The following TACC2 variants were observed in gnomAD, a reference collection of about 807,000 sequenced individuals.
TACC2 encodes transforming acidic coiled-coil-containing protein 2.
In TACC2, 137 loss-of-function variants were observed where a neutral mutation model predicts 227.3. The observed-to-expected ratio is 0.60, with a 90% CI of 0.52 to 0.69. The LOEUF is 0.69. Ranked by LOEUF, TACC2 falls within the 30% of genes least tolerant of loss-of-function variation. The pLI, the probability that TACC2 is intolerant of heterozygous loss-of-function variation, is 0.00. For synonymous variants in TACC2, 1,523 were observed against 1,487.5 expected, an observed-to-expected ratio of 1.02 and a Z score of -0.55; for missense variants, 3,470 against 3,694.4, an observed-to-expected ratio of 0.94 and a Z score of 1.57.
intron 6 of TACC2, among the ~76,000 whole-genome samples, chr10:122,134,661 G>A (rs1020776905): frequency 1.3e-5 from 2 of 152,122 alleles, no homozygotes; most frequent in African/African-American, 2.4e-5. Flanking sequence ...GACCACCACC[G>A]TTTTAGGAAG....
chr10:122,088,373 G>C (rs1464316740), intron 4 of TACC2, 105 bp from the exon 5 acceptor site: 3 of 1,029,416 alleles, frequency 2.9e-6, no homozygotes, highest in Non-Finnish European at 4.1e-6. Context: ...TTTTGTAGTA[G>C]CCACTTAAAA....
At chr10:122,128,462 T>C (rs1592335255) in intron 5 of TACC2, among the ~76,000 whole-genome samples, 1 of 152,222 alleles carries the variant, frequency 6.6e-6, no homozygotes, top group African/African-American at 2.4e-5. Flanking sequence ...TGGGCAGATA[T>C]CTTTTATTCC....
chr10:122,029,892 A>C (rs920690295), intron 2 of TACC2, among the ~76,000 whole-genome samples: 1 of 150,934 alleles, frequency 6.6e-6, no homozygotes, highest in Non-Finnish European at 1.5e-5. Context: ...TACTGGCTGC[A>C]AACAAGATAG....
rs970886804 is a variant in TACC2 at position 122,180,010 on chromosome 10, A to T, written c.5835-15030A>T. 1.3e-5 allele frequency among the ~76,000 whole-genome samples: 2 copies of T among 151,986 alleles called. No individual in the cohort carries two copies. The highest frequency in any genetic ancestry group is 2.9e-5 in the Non-Finnish European group (2 of 67,990). Reference sequence around the variant, plus strand: ...GAGGTTCAGAGGATCGCTTGAGCCCAAGAGGTCGAGGCTGCAGTGAGCCAT... The same window carrying T: ...GAGGTTCAGAGGATCGCTTGAGCCCTAGAGGTCGAGGCTGCAGTGAGCCAT... On this transcript the variant is annotated intron_variant, in intron 7 of 22. Transcript: ENST00000369005. This position sits in a 1 kb window ranked among gnomAD's most constrained non-coding sequence, Gnocchi z 4.5.
In TACC2 at chr10:121,995,988, G is replaced by A. The variant is rs1006554790; in HGVS notation, c.-46+6500G>A. On this transcript the variant is annotated intron_variant, in intron 1 of 22. Transcript: ENST00000369005. The stretch of plus-strand genomic sequence containing the variant: ...AGGCTGGTCTCAAACTCCTGACCTC[G>A]TGATCTGCCCGCCTTGGACTCCCAA... 3.9e-5 allele frequency among the ~76,000 whole-genome samples: 6 copies of A among 152,100 alleles called. No individual in the cohort carries two copies. In the South Asian group the frequency reaches 6.2e-4, roughly 16 times the overall value.
chr10:122,076,876 A>G (rs1462567597), intron 3 of TACC2, among the ~76,000 whole-genome samples: 1 of 152,076 alleles, frequency 6.6e-6, no homozygotes, highest in Non-Finnish European at 1.5e-5. Context: ...GCACTTTAGG[A>G]GGCTAAGGCG....
At chr10:122,215,576 G>C in intron 10 of TACC2, 125 bp downstream of exon 10, 1 of 797,648 alleles carries the variant, frequency 1.3e-6, no homozygotes, top group Admixed American at 1.9e-5. Context: ...CTTGCATTCT[G>C]TGTGGAGGGT....
At chr10:122,097,858 G>A (rs1345614726) in intron 5 of TACC2, among the ~76,000 whole-genome samples, 2 of 152,094 alleles carry the variant, frequency 1.3e-5, no homozygotes, top group Non-Finnish European at 2.9e-5. Flanking sequence ...CTGCAGGGGG[G>A]CTTCTGGGCA....
chr10:122,089,837 C>T (rs550940362), intron 5 of TACC2, among the ~76,000 whole-genome samples: 1 of 152,322 alleles, frequency 6.6e-6, no homozygotes, highest in Admixed American at 6.5e-5. Flanking sequence ...CTGCCTCTGC[C>T]GCCTGGCAGT....
At chr10:122,041,071 G>A (rs2074197918) in intron 2 of TACC2, among the ~76,000 whole-genome samples, 1 of 152,250 alleles carries the variant, frequency 6.6e-6, no homozygotes, top group Non-Finnish European at 1.5e-5. Flanking sequence ...CAGGAGGACA[G>A]GAGAATCTGT....
chr10:122,085,299 G>C lies in TACC2; in HGVS notation c.2799G>C (p.Leu933Phe), dbSNP rs765524349. 1 of 1,614,054 alleles carries C rather than the reference G, an allele frequency of 6.2e-7. No homozygotes were observed. The highest frequency in any genetic ancestry group is 1.3e-5 in the African/African-American group (1 of 75,050). ...WESSLTEESELSAPTRQKLPA... is the reference protein window; with the variant it reads ...WESSLTEESEFSAPTRQKLPA... ...GTTCTCTGACAGAAGAGTCAGAATT[G>C]TCAGCACCAACGAGACAGAAGTTGC... Residue 933 changes from leucine to phenylalanine, a missense_variant, in exon 4 of 23, where the codon TTG becomes TTC. Physicochemically the swap from Leu to Phe is conservative, Grantham distance 22 (BLOSUM62 0). Transcript: ENST00000369005.
Position 122,084,140 on chromosome 10 carries a change from C to T in TACC2, c.1640C>T (p.Pro547Leu), listed in dbSNP as rs142141564. 69 of 1,613,944 alleles carry T rather than the reference C, an allele frequency of 4.3e-5. No homozygotes were observed. The highest frequency in any genetic ancestry group is 1.6e-4 in the Middle Eastern group (1 of 6,084). The change falls in exon 4 of 23, where the codon CCG becomes CTG. Residue 547 changes from proline to leucine, a missense_variant. This residue lies in a region of TACC2 where 1,924 missense variants were observed against 1,978.3 expected (regional missense o/e 0.97). Coordinates refer to ENST00000369005, the MANE Select transcript of TACC2 (RefSeq NM_206862.4). Reference protein sequence around the residue: ...KAPSESARGPPGPTDGAKVHE... With the variant: ...KAPSESARGPLGPTDGAKVHE... ...CCAAGTGAAAGTGCCAGAGGGCCAC[C>T]GGGGCCAACGGATGGAGCCAAGGTC...
At chr10:122,040,841 G>A (rs1412072625) in intron 2 of TACC2, among the ~76,000 whole-genome samples, 1 of 152,194 alleles carries the variant, frequency 6.6e-6, no homozygotes, top group African/African-American at 2.4e-5. Context: ...TGGGTGTCAA[G>A]GAAGGCGCTT....
chr10:122,206,259 C>T (rs376349444), intron 8 of TACC2, among the ~76,000 whole-genome samples: 3 of 152,194 alleles, frequency 2.0e-5, no homozygotes, highest in African/African-American at 2.4e-5. Context: ...TTCCTGGGAG[C>T]CCCCTGTCAT....
intron 6 of TACC2, among the ~76,000 whole-genome samples, chr10:122,136,685 C>T (rs1358119853): frequency 6.6e-6 from 1 of 152,038 alleles, no homozygotes; most frequent in Non-Finnish European, 1.5e-5. Context: ...TCCTGACTAG[C>T]TGGGATTACA....
At chr10:122,244,859 C>G (rs1246025907) in intron 19 of TACC2, among the ~76,000 whole-genome samples, 1 of 152,214 alleles carries the variant, frequency 6.6e-6, no homozygotes, top group Non-Finnish European at 1.5e-5. Context: ...CGTTGTTATT[C>G]ATTTGCATCA....
In TACC2 at chr10:122,154,796, G is replaced by A. The variant is rs12572572; in HGVS notation, c.5834+11090G>A. Among the ~76,000 whole-genome samples the A allele has an allele frequency of 2.1e-3, 319 of 152,272 alleles. 7 individuals are homozygous for A. In the East Asian group the frequency reaches 0.049, roughly 23 times the overall value. ...AGGACTTGCAAACACGCATGCAGGC[G>A]CGCACCCACCCACGCTGACACGCTC... On this transcript the variant is annotated intron_variant, in intron 7 of 22. Transcript: ENST00000369005.
At chr10:122,005,167 T>TC (rs1954911833) in intron 1 of TACC2, among the ~76,000 whole-genome samples, 1 of 151,366 alleles carries the variant, frequency 6.6e-6, no homozygotes, top group Non-Finnish European at 1.5e-5. Context: ...CTGCAACCTC[T>TC]GCCTCCCGGG....
intron 1 of TACC2, among the ~76,000 whole-genome samples, chr10:121,995,319 T>G (rs895393055): frequency 9.9e-5 from 15 of 152,234 alleles, no homozygotes; most frequent in African/African-American, 3.6e-4. Flanking sequence ...AAGCCAAAGT[T>G]AGGCAGAATT....
Sources: allele counts gnomAD v4.1 joint callset (sites outside exome capture counted in the v4.1 genomes callset), GRCh38; gene constraint gnomAD v4.1.1; regional missense constraint gnomAD v4.1.1; non-coding constraint Gnocchi (gnomAD v3.1); transcripts MANE v1.5; gene names NCBI Gene and HGNC (gene_info 2026-07-23, HGNC 2026-07-21).